DIS3L2: variants seen among roughly 807,000 people sequenced by gnomAD.
The protein encoded by DIS3L2 is DIS3-like exonuclease 2.
A neutral mutation model predicts 97.5 loss-of-function variants in DIS3L2; 34 were observed. The ratio of observed to expected loss-of-function variants is 0.35; its 90% CI spans 0.27 to 0.46. The LOEUF is 0.46. Among genes scored for constraint, DIS3L2 ranks in the 20% least tolerant of loss-of-function variants. The probability of loss-of-function intolerance (pLI) is 1.00; values close to 1 mark genes in which losing one functional copy is unlikely to be tolerated. For synonymous variants in DIS3L2, 435 were observed against 445.2 expected (o/e 0.98, Z 0.29); for missense variants, 1,038 against 1,146.0 (o/e 0.91, Z 1.36).
At chr2:232,051,719 G>A (rs1012818539) in intron 5 of DIS3L2, among the ~76,000 whole-genome samples, 2 of 144,242 alleles carry the variant, frequency 1.4e-5, no homozygotes, top group African/African-American at 5.1e-5. Context: ...GGCTGAGGCA[G>A]GAGAATGGCG....
chr2:232,143,506 A>G (rs1438336415), intron 8 of DIS3L2, among the ~76,000 whole-genome samples: 3 of 152,122 alleles, frequency 2.0e-5, no homozygotes, highest in Non-Finnish European at 4.4e-5. Flanking sequence ...ACATTTCTAA[A>G]TTTTATTTTT....
chr2:232,182,082 T>C (rs1691297243), intron 9 of DIS3L2, among the ~76,000 whole-genome samples: 1 of 152,244 alleles, frequency 6.6e-6, no homozygotes, highest in Non-Finnish European at 1.5e-5. Context: ...ACTCCCTCCC[T>C]ACTTCCCTGA....
intron 5 of DIS3L2, among the ~76,000 whole-genome samples, chr2:232,076,153 C>T (rs866501750): frequency 1.3e-5 from 2 of 152,184 alleles, no homozygotes; most frequent in Non-Finnish European, 2.9e-5. Context: ...TCCTTTCTCC[C>T]TCTTGTTGTA....
chr2:232,188,612 A>C (rs1189674454), intron 9 of DIS3L2, among the ~76,000 whole-genome samples: 1 of 152,266 alleles, frequency 6.6e-6, no homozygotes, highest in Non-Finnish European at 1.5e-5. Context: ...AAAATGTAAA[A>C]GTATAAAACT....
chr2:231,973,494 G>A (rs1692980637), intron 1 of DIS3L2, among the ~76,000 whole-genome samples: 1 of 152,062 alleles, frequency 6.6e-6, no homozygotes, highest in African/African-American at 2.4e-5. Flanking sequence ...ATAAAATATG[G>A]GAAGACCTGA....
intron 1 of DIS3L2, among the ~76,000 whole-genome samples, chr2:231,997,827 T>G (rs1693771680): frequency 6.6e-6 from 1 of 152,188 alleles, no homozygotes; most frequent in South Asian, 2.1e-4. Context: ...GTGGAGACAC[T>G]CAAAGCCATC....
At chr2:232,038,594 A>G (rs1257466635) in intron 5 of DIS3L2, among the ~76,000 whole-genome samples, 2 of 152,182 alleles carry the variant, frequency 1.3e-5, no homozygotes, top group African/African-American at 2.4e-5. Context: ...ATGAATAAGT[A>G]AGTCTGTTGC....
chr2:232,124,931 C>T (rs745877887), intron 6 of DIS3L2, among the ~76,000 whole-genome samples: 1 of 152,258 alleles, frequency 6.6e-6, no homozygotes, highest in East Asian at 1.9e-4. Context: ...ATATTATTCT[C>T]AGAATTTGCA....
At chr2:232,241,892 A>G (rs1014853819) in intron 11 of DIS3L2, among the ~76,000 whole-genome samples, 1 of 152,236 alleles carries the variant, frequency 6.6e-6, no homozygotes, top group African/African-American at 2.4e-5. Flanking sequence ...CTATTGGCCC[A>G]AGCATTCATG....
chr2:232,089,939 A>G (rs944462862), intron 6 of DIS3L2, among the ~76,000 whole-genome samples: 7 of 151,460 alleles, frequency 4.6e-5, no homozygotes, highest in African/African-American at 1.7e-4. Context: ...CTTCCCCCAC[A>G]CTCCTTTTGA....
intron 11 of DIS3L2, among the ~76,000 whole-genome samples, chr2:232,248,227 A>C (rs886245715): frequency 5.9e-5 from 9 of 152,218 alleles, no homozygotes; most frequent in Non-Finnish European, 1.0e-4. Flanking sequence ...CAATTACAGC[A>C]TGGCCACCCT....
chr2:232,210,451 A>C (rs1396593378), intron 10 of DIS3L2, 46 bp downstream of exon 10: 2 of 1,543,476 alleles, frequency 1.3e-6, no homozygotes, highest in Admixed American at 1.7e-5. Context: ...GGCAGTCTGC[A>C]TGCCTGTGTG....
intron 6 of DIS3L2, among the ~76,000 whole-genome samples, chr2:232,110,854 C>T (rs1697505977): frequency 6.6e-6 from 1 of 151,758 alleles, no homozygotes; most frequent in South Asian, 2.1e-4. Context: ...ATCTGCACAT[C>T]CTGCACATGT....
chr2:232,142,537 C>G (rs1690090013), intron 8 of DIS3L2, among the ~76,000 whole-genome samples: 2 of 152,174 alleles, frequency 1.3e-5, no homozygotes, highest in Non-Finnish European at 2.9e-5. Flanking sequence ...ATCCTTTCAG[C>G]TTCCTCTTTG....
chr2:232,332,729 G>GT (rs778323266), intron 16 of DIS3L2, among the ~76,000 whole-genome samples: 3 of 152,218 alleles, frequency 2.0e-5, no homozygotes, highest in Non-Finnish European at 2.9e-5. Context: ...TCAGAGACGA[G>GT]AAGGGCCGAG....
chr2:232,214,558 G>T (rs1207489238), intron 10 of DIS3L2, among the ~76,000 whole-genome samples: 1 of 152,104 alleles, frequency 6.6e-6, no homozygotes, highest in Non-Finnish European at 1.5e-5. Context: ...TTGGTGTCCA[G>T]TGGGTTATGA....
chr2:232,153,685 T>G (rs1399900493), intron 8 of DIS3L2, among the ~76,000 whole-genome samples: 6 of 128,590 alleles, frequency 4.7e-5, no homozygotes, highest in Non-Finnish European at 9.7e-5. Context: ...TGTCTTGGAG[T>G]TGCTCTTCTC....
chr2:232,136,766 AGTTTAG>A (rs1350317087), intron 8 of DIS3L2, 47 bp downstream of exon 8: 1 of 1,595,946 alleles, frequency 6.3e-7, no homozygotes, highest in Admixed American at 1.7e-5. Context: ...GGCAGAACTC[AGTTTAG>A]GTGGTCTTTA....
At chr2:231,989,832 G>C (rs1311901618) in intron 1 of DIS3L2, among the ~76,000 whole-genome samples, 1 of 152,090 alleles carries the variant, frequency 6.6e-6, no homozygotes, top group Non-Finnish European at 1.5e-5. Flanking sequence ...GACATAATGA[G>C]ATCTTGTCTC....
Sources: allele counts gnomAD v4.1 joint callset (sites outside exome capture counted in the v4.1 genomes callset), GRCh38; gene constraint gnomAD v4.1.1; transcripts MANE v1.5; gene names NCBI Gene and HGNC (gene_info 2026-07-23, HGNC 2026-07-21).